The following KIAA0319L variants were observed in gnomAD, a reference collection of about 807,000 sequenced individuals.
KIAA0319L encodes the protein KIAA0319 like.
In KIAA0319L, 55 loss-of-function variants were observed where a neutral mutation model predicts 120.1. The ratio of observed to expected loss-of-function variants is 0.46; its 90% CI spans 0.37 to 0.57. The LOEUF (loss-of-function observed/expected upper bound fraction) is 0.57. KIAA0319L is among the 20% of genes least tolerant of loss of function. The probability of loss-of-function intolerance (pLI) is 0.00; values close to 1 mark genes in which losing one functional copy is unlikely to be tolerated. For missense variants in KIAA0319L, 1,049 were observed against 1,255.3 expected, an observed-to-expected ratio of 0.84 and a Z score of 2.48; for synonymous variants, 398 against 471.9, an observed-to-expected ratio of 0.84 and a Z score of 2.03.
intron 2 of KIAA0319L, among the ~76,000 whole-genome samples, chr1:35,526,704 G>A (rs996885922): frequency 1.3e-5 from 2 of 152,106 alleles, no homozygotes; most frequent in Admixed American, 1.3e-4. Flanking sequence ...AAGTCAGGAA[G>A]TGTGATGCCT....
At chr1:35,481,257 T>C (rs970714400) in intron 3 of KIAA0319L, among the ~76,000 whole-genome samples, 6 of 152,242 alleles carry the variant, frequency 3.9e-5, no homozygotes, top group African/African-American at 1.2e-4. Context: ...TGTTTAAGTA[T>C]ACATGTTTCT....
chr1:35,546,670 T>C (rs1646993756), intron 2 of KIAA0319L, among the ~76,000 whole-genome samples: 1 of 152,252 alleles, frequency 6.6e-6, no homozygotes, highest in South Asian at 2.1e-4. Flanking sequence ...GTTGTTTCTC[T>C]AGTCCTTGTC....
intron 20 of KIAA0319L, chr1:35,438,771 C>T (rs2149069604): frequency 6.6e-6 from 1 of 152,156 alleles, no homozygotes; most frequent in Admixed American, 6.6e-5. Context: ...GCAGGCAGAT[C>T]ACTTAAGCCC....
intron 4 of KIAA0319L, among the ~76,000 whole-genome samples, chr1:35,478,052 G>A (rs1033917932): frequency 1.5e-4 from 23 of 152,116 alleles, no homozygotes; most frequent in Non-Finnish European, 2.6e-4. Flanking sequence ...TATATACAAT[G>A]GAGTACTACT....
At chr1:35,458,073 C>T (rs1642614233) in intron 9 of KIAA0319L, among the ~76,000 whole-genome samples, 1 of 152,138 alleles carries the variant, frequency 6.6e-6, no homozygotes. Flanking sequence ...GTAGCTGGGA[C>T]TACAGCTACC....
intron 2 of KIAA0319L, among the ~76,000 whole-genome samples, chr1:35,520,250 C>T (rs1645857419): frequency 6.6e-6 from 1 of 152,138 alleles, no homozygotes; most frequent in Non-Finnish European, 1.5e-5. Flanking sequence ...CAGGCATGTG[C>T]CACCACGCCT....
At position 35,484,767 on chromosome 1, in the gene KIAA0319L, CATATATATAT is replaced by C. The variant is rs56318513; in HGVS notation, c.667-5565_667-5556del. Among the ~76,000 whole-genome samples the C allele has an allele frequency of 3.7e-3, 192 of 51,520 alleles. 1 individual carries two copies. The highest frequency in any genetic ancestry group is 6.4e-3 in the African/African-American group (90 of 14,008). The allele number at this position is 51,520 out of a possible 152,430, so 33.8% of individuals were successfully genotyped here. A position where few individuals can be genotyped will look rare whatever the true frequency, so the allele number is the denominator to read the frequency against. ...TTTGAACACGATTTAAGTTTTTAAT[CATATATATAT>C]ATATATATATATATATATATATATA... is the stretch of plus-strand genomic sequence containing the variant. On this transcript the variant is annotated intron_variant, in intron 3 of 20. Coordinates refer to ENST00000325722, the MANE Select transcript of KIAA0319L (RefSeq NM_024874.5).
At chr1:35,469,164 G>A (rs980846030) in intron 6 of KIAA0319L, among the ~76,000 whole-genome samples, 1 of 152,130 alleles carries the variant, frequency 6.6e-6, no homozygotes, top group Non-Finnish European at 1.5e-5. Context: ...GAGTAGCTGG[G>A]ACCACAGGCA....
intron 2 of KIAA0319L, among the ~76,000 whole-genome samples, chr1:35,547,550 C>T (rs2148507541): frequency 6.6e-6 from 1 of 152,192 alleles, no homozygotes; most frequent in South Asian, 2.1e-4. Flanking sequence ...GAATATTATT[C>T]AGCCATAAAA....
At chr1:35,464,713 A>AG (rs911441057) in intron 7 of KIAA0319L, among the ~76,000 whole-genome samples, 3 of 152,230 alleles carry the variant, frequency 2.0e-5, no homozygotes, top group Admixed American at 1.3e-4. Context: ...AGGGCTTCAT[A>AG]GCAGCCCTCA....
At chr1:35,514,849 A>G (rs1222279273) in intron 2 of KIAA0319L, among the ~76,000 whole-genome samples, 1 of 152,234 alleles carries the variant, frequency 6.6e-6, no homozygotes, top group African/African-American at 2.4e-5. Flanking sequence ...GAAAATTAAC[A>G]AAGATATTCA....
At position 35,449,890 on chromosome 1, in the gene KIAA0319L, C is replaced by A; in HGVS notation, c.2330G>T (p.Arg777Leu). 6.2e-7 allele frequency: 1 copy of A among 1,613,984 alleles called. No homozygotes were observed. Among genetic ancestry groups the A allele is most frequent in the Non-Finnish European group, 8.5e-7 (1 of 1,179,924 alleles). Residue 777 changes from arginine (R) to leucine (L), a missense_variant, in exon 15 of 21, where the codon CGG (arginine) becomes CTG (leucine). Arg to Leu is a moderately radical substitution (Grantham distance 102). Coordinates refer to ENST00000325722, the MANE Select transcript of KIAA0319L (RefSeq NM_024874.5). ...TDAKGESDTD[R>L]TTVEVKPDPR... is the part of the protein sequence containing the mutation. ...ACCAGGTTTCACCTCCACAGTGGTC[C>A]GGTCTGTGTCACTCTCACCCTTTGC...
At chr1:35,497,892 G>A (rs985617568) in intron 3 of KIAA0319L, among the ~76,000 whole-genome samples, 1 of 152,050 alleles carries the variant, frequency 6.6e-6, no homozygotes, top group Non-Finnish European at 1.5e-5. Context: ...AGAACAGTGT[G>A]ACTATTTTAA....
Position 35,468,551 on chromosome 1 carries a change from A to G in KIAA0319L, c.1114-1856T>C, listed in dbSNP as rs1014859517. On this transcript the variant is annotated intron_variant, in intron 6 of 20. Coordinates refer to ENST00000325722, the MANE Select transcript of KIAA0319L (RefSeq NM_024874.5). Reference sequence around the variant, plus strand: ...TACCTCAAACTCACTCTGTCCAAAAATGAATTAATCATCTGCAAACTTCTC... The same window carrying G: ...TACCTCAAACTCACTCTGTCCAAAAGTGAATTAATCATCTGCAAACTTCTC... Among the ~76,000 whole-genome samples the G allele has an allele frequency of 2.6e-5, 4 of 152,296 alleles. 1 individual carries two copies. Among genetic ancestry groups the G allele is most frequent in the Admixed American group, 2.6e-4 (4 of 15,290 alleles).
intron 2 of KIAA0319L, among the ~76,000 whole-genome samples, chr1:35,526,151 C>G (rs898305912): frequency 6.6e-6 from 1 of 151,562 alleles, no homozygotes; most frequent in Admixed American, 6.6e-5. Context: ...GCTATTAATA[C>G]GTGGGTTTAT....
chr1:35,459,764 A>G (rs1306414137), intron 9 of KIAA0319L, among the ~76,000 whole-genome samples: 1 of 152,204 alleles, frequency 6.6e-6, no homozygotes, highest in Non-Finnish European at 1.5e-5. Context: ...ACGCAAACAT[A>G]AGGAGGATTA....
At chr1:35,477,401 C>G (rs1643932367) in intron 4 of KIAA0319L, among the ~76,000 whole-genome samples, 1 of 152,190 alleles carries the variant, frequency 6.6e-6, no homozygotes, top group African/African-American at 2.4e-5. Flanking sequence ...GGCGCGGTGG[C>G]TCACGCCTGT....
rs916360597 is a variant in KIAA0319L, at chr1:35,433,508, G to A, written c.*1386C>T. 2 of 152,262 alleles carry A rather than the reference G, an allele frequency of 1.3e-5. No individual in the cohort carries two copies. The highest frequency in any genetic ancestry group is 4.8e-5 in the African/African-American group (2 of 41,462). The allele number at this position is 152,262 out of a possible 1,614,324, so 9.4% of individuals were successfully genotyped here. A position where few individuals can be genotyped will look rare whatever the true frequency, so the allele number is the denominator to read the frequency against. ...GACAGAGTGCACAGTTAAATACCAT[G>A]TTTAATCATCCCACAATGGACAGTA... On this transcript the variant is annotated 3_prime_UTR_variant, in exon 21 of 21. Transcript: ENST00000325722.
In KIAA0319L at chr1:35,454,347, A is replaced by C. The variant is rs1558313646; in HGVS notation, c.1780+15T>G. 1 of 1,613,312 alleles carries C rather than the reference A, an allele frequency of 6.2e-7. No homozygotes were observed. Among genetic ancestry groups the C allele is most frequent in the African/African-American group, 1.3e-5 (1 of 74,882 alleles). ...CCACCAATAGAAGAGCCTGAACCAC[A>C]AGGCTGGAGCTTACCAGGTTGCACA... On this transcript the variant is annotated intron_variant, in intron 11 of 20. Transcript: ENST00000325722.
Sources: gnomAD v4.1 joint callset for allele counts (sites outside exome capture counted in the v4.1 genomes callset) on GRCh38, gnomAD v4.1.1 for gene constraint, MANE v1.5 for transcripts, NCBI Gene and HGNC (gene_info 2026-07-23, HGNC 2026-07-21) for gene names.